Variants in NAALADL2 observed in about 807,000 individuals in gnomAD.
NAALADL2 encodes inactive N-acetylated-alpha-linked acidic dipeptidase-like protein 2.
NAALADL2 carries 76 observed loss-of-function variants against 87.2 expected under a neutral mutation model. That is an observed-to-expected ratio of 0.87 (90% CI 0.72 to 1.05). The LOEUF is 1.05. NAALADL2 is among the 50% of genes least tolerant of loss of function. The pLI, the probability that NAALADL2 is intolerant of heterozygous loss-of-function variation, is 0.00. For missense variants in NAALADL2, 1,089 were observed against 945.8 expected, an observed-to-expected ratio of 1.15 and a Z score of -1.99; for synonymous variants, 354 against 331.0, an observed-to-expected ratio of 1.07 and a Z score of -0.75.
intron 4 of NAALADL2, among the ~76,000 whole-genome samples, chr3:175,298,548 C>G (rs1478152916): frequency 6.6e-6 from 1 of 151,864 alleles, no homozygotes; most frequent in Non-Finnish European, 1.5e-5. Flanking sequence ...TAATATTATC[C>G]AACTATACAT....
chr3:174,656,003 A>G (rs573591897), intron 2 of NAALADL2, among the ~76,000 whole-genome samples: 1 of 152,326 alleles, frequency 6.6e-6, no homozygotes, highest in East Asian at 1.9e-4. Context: ...ATGTGTATCA[A>G]TGGTACTTTA....
chr3:174,813,477 CT>C (rs1323320469), intron 3 of NAALADL2, among the ~76,000 whole-genome samples: 1 of 152,082 alleles, frequency 6.6e-6, no homozygotes, highest in Non-Finnish European at 1.5e-5. Flanking sequence ...TAATAAAAGG[CT>C]GTAGAGGTTT....
chr3:175,697,089 C>T (rs2149941374), intron 11 of NAALADL2, among the ~76,000 whole-genome samples: 1 of 152,134 alleles, frequency 6.6e-6, no homozygotes, highest in African/African-American at 2.4e-5. Flanking sequence ...GGAATTTTAA[C>T]CTGTCTAGGA....
rs7638113 is a variant in NAALADL2 at position 175,803,721 on chromosome 3, A to G, written c.*518A>G. 0.21 allele frequency: 32,292 copies of G among 152,354 alleles called. 4,414 individuals carry two copies. The highest frequency in any genetic ancestry group is 0.38 in the African/African-American group (15,556 of 41,430). 9.4% of individuals were successfully genotyped at this position (152,354 alleles called of 1,614,324 possible). A position where few individuals can be genotyped will look rare whatever the true frequency, so the allele number is the denominator to read the frequency against. ...CACTTTGAATGTTTCTATTTTATGA[A>G]ATGAAGTTTCTCTTCTTAACACAAC... On this transcript the variant is annotated 3_prime_UTR_variant, in exon 14 of 14. Transcript: ENST00000454872.
At chr3:175,376,895 G>A (rs914129942) in intron 5 of NAALADL2, among the ~76,000 whole-genome samples, 2 of 151,798 alleles carry the variant, frequency 1.3e-5, no homozygotes, top group African/African-American at 4.8e-5. Flanking sequence ...CTAATCTACT[G>A]TTAATCCCTC....
chr3:175,737,741 T>A (rs1036294641), intron 12 of NAALADL2, among the ~76,000 whole-genome samples: 53 of 146,372 alleles, frequency 3.6e-4, no homozygotes, highest in African/African-American at 1.3e-3. Flanking sequence ...TTTTTTTTTT[T>A]TTTAACATTC....
At chr3:174,554,564 TA>T (rs1248560159) in intron 2 of NAALADL2, among the ~76,000 whole-genome samples, 18 of 151,746 alleles carry the variant, frequency 1.2e-4, no homozygotes, top group Non-Finnish European at 2.1e-4. Context: ...TGACAGTTTT[TA>T]AAAAAAATCT....
chr3:175,356,054 T>C (rs908141645), intron 5 of NAALADL2, among the ~76,000 whole-genome samples: 5 of 152,080 alleles, frequency 3.3e-5, no homozygotes, highest in Admixed American at 6.6e-5. Flanking sequence ...ACAGTTTCAA[T>C]AGGGATTTAA....
intron 13 of NAALADL2, among the ~76,000 whole-genome samples, chr3:175,765,990 C>G (rs1297335609): frequency 6.6e-6 from 1 of 152,036 alleles, no homozygotes; most frequent in East Asian, 1.9e-4. Context: ...TACATTTGAT[C>G]CAAATTATCC....
rs975646106 is a variant in NAALADL2 at position 175,328,308 on chromosome 3, A to G, written c.1090+3983A>G. On this transcript the variant is annotated intron_variant, in intron 5 of 13. Transcript: ENST00000454872. ...GAGTTCCTTATGGTACTTTGAATCA[A>G]TATTTAGTTGAGTACTTCTTGTTCA... Among the ~76,000 whole-genome samples, 11 of 152,282 alleles carry G rather than the reference A, an allele frequency of 7.2e-5. 1 individual carries two copies. The highest frequency in any genetic ancestry group is 6.8e-3 in the Middle Eastern group (2 of 294).
At chr3:175,132,632 G>A (rs1185632618) in intron 2 of NAALADL2, among the ~76,000 whole-genome samples, 25 of 112,706 alleles carry the variant, frequency 2.2e-4, no homozygotes, top group South Asian at 3.3e-4. Context: ...CCTCCCTCCC[G>A]GACGGGGTGG....
intron 10 of NAALADL2, among the ~76,000 whole-genome samples, chr3:175,615,074 A>C (rs1725148348): frequency 6.6e-6 from 1 of 152,190 alleles, no homozygotes; most frequent in African/African-American, 2.4e-5. Context: ...AGCTGAAAAC[A>C]CAACTTCAGG....
intron 2 of NAALADL2, among the ~76,000 whole-genome samples, chr3:175,232,035 C>T (rs1745010852): frequency 6.6e-6 from 1 of 151,924 alleles, no homozygotes; most frequent in South Asian, 2.1e-4. Context: ...GAATATAATT[C>T]TTCTCACCAG....
intron 1 of NAALADL2, among the ~76,000 whole-genome samples, chr3:174,908,576 C>T (rs1038365354): frequency 2.6e-5 from 4 of 151,832 alleles, no homozygotes; most frequent in African/African-American, 9.7e-5. Flanking sequence ...AAGAGAAAAA[C>T]AAAGTGATGG....
intron 1 of NAALADL2, among the ~76,000 whole-genome samples, chr3:174,871,956 A>G (rs901048662): frequency 6.6e-6 from 1 of 152,178 alleles, no homozygotes; most frequent in Non-Finnish European, 1.5e-5. Flanking sequence ...AACATTATCC[A>G]GTGCTACTCT....
At chr3:175,238,383 C>G in intron 3 of NAALADL2, among the ~76,000 whole-genome samples, 1 of 152,018 alleles carries the variant, frequency 6.6e-6, no homozygotes, top group African/African-American at 2.4e-5. Context: ...TAGGGCTAAA[C>G]AAAAGGGATT....
intron 2 of NAALADL2, among the ~76,000 whole-genome samples, chr3:175,225,167 G>A (rs932851110): frequency 4.6e-5 from 7 of 152,002 alleles, no homozygotes; most frequent in Admixed American, 1.3e-4. Context: ...TTGCATTGTC[G>A]CAGAGAGATG....
At chr3:174,471,338 A>G (rs955359833) in intron 1 of NAALADL2, among the ~76,000 whole-genome samples, 7 of 152,104 alleles carry the variant, frequency 4.6e-5, no homozygotes, top group Non-Finnish European at 8.8e-5. Flanking sequence ...CTATGTAGTT[A>G]TAAGCCTCCT....
intron 12 of NAALADL2, among the ~76,000 whole-genome samples, chr3:175,738,136 C>A (rs920895101): frequency 6.6e-6 from 1 of 152,160 alleles, no homozygotes; most frequent in Non-Finnish European, 1.5e-5. Context: ...TTGTGGACAA[C>A]TACTTCTCAA....
Sources: allele counts gnomAD v4.1 joint callset (sites outside exome capture counted in the v4.1 genomes callset), GRCh38; gene constraint gnomAD v4.1.1; transcripts MANE v1.5; gene names NCBI Gene and HGNC (gene_info 2026-07-23, HGNC 2026-07-21).